Variants in NXPH1 observed in about 807,000 individuals in gnomAD.
NXPH1 encodes neurexophilin 1.
NXPH1 carries 5 observed loss-of-function variants against 23.7 expected under a neutral mutation model. That is an observed-to-expected ratio of 0.21 (90% CI 0.11 to 0.44). The LOEUF (loss-of-function observed/expected upper bound fraction) is 0.44, where lower values mean the gene tolerates loss of function less well. Among genes scored for constraint, NXPH1 ranks in the 20% least tolerant of loss-of-function variants. The pLI is 0.99. For missense variants in NXPH1, 324 were observed against 321.6 expected (o/e 1.01, Z -0.06); for synonymous variants, 144 against 122.2 (o/e 1.18, Z -1.18).
chr7:8,471,486 C>A (rs1349154960), intron 2 of NXPH1, among the ~76,000 whole-genome samples: 1 of 152,104 alleles, frequency 6.6e-6, no homozygotes, highest in African/African-American at 2.4e-5. Flanking sequence ...AAGATGGGGA[C>A]TGCTGAATCA....
intron 2 of NXPH1, among the ~76,000 whole-genome samples, chr7:8,711,691 T>TA (rs1167408058): frequency 6.6e-6 from 1 of 152,032 alleles, no homozygotes; most frequent in African/African-American, 2.4e-5. Flanking sequence ...TATGCATACA[T>TA]ATGTATGTGA....
chr7:8,531,385 T>C (rs1000451940), intron 2 of NXPH1, among the ~76,000 whole-genome samples: 2 of 152,204 alleles, frequency 1.3e-5, no homozygotes, highest in Non-Finnish European at 1.5e-5. Flanking sequence ...CAACAGTTTT[T>C]ACATGTACAG....
chr7:8,469,984 A>T (rs1009153458), intron 2 of NXPH1, among the ~76,000 whole-genome samples: 1 of 152,132 alleles, frequency 6.6e-6, no homozygotes, highest in East Asian at 1.9e-4. Context: ...TGTCCCTCTC[A>T]TTCTACTAAA....
At chr7:8,467,167 C>T (rs184791380) in intron 2 of NXPH1, among the ~76,000 whole-genome samples, 245 of 152,040 alleles carry the variant, frequency 1.6e-3, no homozygotes, top group Admixed American at 2.9e-3. Flanking sequence ...TATGAAAGTC[C>T]GTCACTACTT....
At chr7:8,675,724 A>G (rs912532116) in intron 2 of NXPH1, among the ~76,000 whole-genome samples, 1 of 152,190 alleles carries the variant, frequency 6.6e-6, no homozygotes, top group African/African-American at 2.4e-5. Context: ...TAGGTTATCC[A>G]GGTAAACGTG....
At chr7:8,637,225 C>CTTT (rs532810877) in intron 2 of NXPH1, among the ~76,000 whole-genome samples, 6,447 of 142,898 alleles carry the variant, frequency 0.045, 321 homozygotes, top group East Asian at 0.17. Flanking sequence ...GGGACTGACT[C>CTTT]TTTTTTTTTT....
chr7:8,627,116 TG>T (rs1820008526), intron 2 of NXPH1, among the ~76,000 whole-genome samples: 1 of 152,106 alleles, frequency 6.6e-6, no homozygotes, highest in South Asian at 2.1e-4. Flanking sequence ...ACACAGTAAA[TG>T]GCTAATATAC....
intron 2 of NXPH1, among the ~76,000 whole-genome samples, chr7:8,610,739 AT>A (rs768466206): frequency 4.6e-5 from 7 of 151,780 alleles, no homozygotes; most frequent in Admixed American, 6.6e-5. Flanking sequence ...TAATTGTGTA[AT>A]TTTTTTTCAA....
At position 8,631,782 on chromosome 7, in the gene NXPH1, T is replaced by C. The variant is rs149286946; in HGVS notation, c.55-119226T>C. On this transcript the variant is annotated intron_variant, in intron 2 of 2. Coordinates refer to ENST00000405863, the MANE Select transcript of NXPH1 (RefSeq NM_152745.3). ...TTCCAGGTGTCAATCCATTTAATTC[T>C]ATTCTATTCTTTAATTTCTAACATT... 7.8e-3 allele frequency among the ~76,000 whole-genome samples: 1,181 copies of C among 152,324 alleles called. 13 individuals carry two copies. The highest frequency in any genetic ancestry group is 0.044 in the Middle Eastern group (13 of 294).
At chr7:8,720,180 A>G (rs1319513796) in intron 2 of NXPH1, among the ~76,000 whole-genome samples, 1 of 152,116 alleles carries the variant, frequency 6.6e-6, no homozygotes, top group African/African-American at 2.4e-5. Flanking sequence ...TATCTGTTCA[A>G]TGAACTGAAT....
Position 8,711,302 on chromosome 7 carries a change from A to G in NXPH1, c.55-39706A>G, listed in dbSNP as rs150228958. Among the ~76,000 whole-genome samples, 606 of 152,328 alleles carry G rather than the reference A, an allele frequency of 4.0e-3. 9 individuals carry two copies. The highest frequency in any genetic ancestry group is 0.014 in the African/African-American group (567 of 41,566). ...TTGTTTTCTTTTTGAAGTCAGTAAC[A>G]TATTGTTAGGCTAGTCCAGCATGGG... On this transcript the variant is annotated intron_variant, in intron 2 of 2. Coordinates refer to ENST00000405863, the MANE Select transcript of NXPH1 (RefSeq NM_152745.3).
At chr7:8,560,303 A>G (rs1030351121) in intron 2 of NXPH1, among the ~76,000 whole-genome samples, 8 of 151,742 alleles carry the variant, frequency 5.3e-5, no homozygotes, top group Non-Finnish European at 1.0e-4. Flanking sequence ...TTGGCATTAG[A>G]TATTTCAAAG....
At chr7:8,733,938 A>G (rs573131874) in intron 2 of NXPH1, among the ~76,000 whole-genome samples, 1 of 152,332 alleles carries the variant, frequency 6.6e-6, no homozygotes, top group Non-Finnish European at 1.5e-5. Flanking sequence ...TGCTTTAGTC[A>G]TGAAGGCTTT....
intron 2 of NXPH1, among the ~76,000 whole-genome samples, chr7:8,661,161 C>T (rs1820664027): frequency 6.6e-6 from 1 of 152,096 alleles, no homozygotes; most frequent in South Asian, 2.1e-4. Flanking sequence ...TTTCTAACCT[C>T]AGAATATTTC....
intron 2 of NXPH1, among the ~76,000 whole-genome samples, chr7:8,689,768 G>T (rs943527919): frequency 3.3e-5 from 5 of 152,116 alleles, no homozygotes; most frequent in Admixed American, 3.3e-4. Context: ...GAGAAGGGTG[G>T]AACTGAGAGG....
chr7:8,667,844 A>G (rs530417835), intron 2 of NXPH1, among the ~76,000 whole-genome samples: 1 of 152,172 alleles, frequency 6.6e-6, no homozygotes, highest in Admixed American at 6.5e-5. Flanking sequence ...AAGCTGTCCC[A>G]TAAATCCCAT....
rs554454994 is a variant in NXPH1 at position 8,435,614 on chromosome 7, G to A, written c.-100G>A. 1.2e-5 allele frequency: 13 copies of A among 1,075,946 alleles called. No homozygotes were observed. In the South Asian group the frequency reaches 1.6e-4, roughly 13 times the overall value. 66.6% of individuals were successfully genotyped at this position (1,075,946 alleles called of 1,614,324 possible). A position where few individuals can be genotyped will look rare whatever the true frequency, so the allele number is the denominator to read the frequency against. ...TTTATTTGCATCTAGGCTGCTGAGA[G>A]CGCTCCTTGCTCTGTAAAGTGGATG... On this transcript the variant is annotated 5_prime_UTR_variant, in exon 2 of 3. Transcript: ENST00000405863. The surrounding 1 kb of genome is among the most constrained non-coding windows in gnomAD (Gnocchi z 5.9).
chr7:8,582,652 G>T (rs1021837416), intron 2 of NXPH1, among the ~76,000 whole-genome samples: 1 of 152,142 alleles, frequency 6.6e-6, no homozygotes, highest in Admixed American at 6.5e-5. Flanking sequence ...GTCTGGCTGT[G>T]TCTAGGGGGT....
chr7:8,733,594 C>A (rs531522543), intron 2 of NXPH1, among the ~76,000 whole-genome samples: 8 of 152,222 alleles, frequency 5.3e-5, no homozygotes, highest in African/African-American at 1.9e-4. Flanking sequence ...GAGATAGTAT[C>A]TCATTGTGGT....
Sources: gnomAD v4.1 joint callset for allele counts (sites outside exome capture counted in the v4.1 genomes callset) on GRCh38, gnomAD v4.1.1 for gene constraint, Gnocchi (gnomAD v3.1) non-coding constraint, MANE v1.5 for transcripts, NCBI Gene and HGNC (gene_info 2026-07-23, HGNC 2026-07-21) for gene names.